SORCS3: variants seen among roughly 807,000 people sequenced by gnomAD.
The protein encoded by SORCS3 is VPS10 domain-containing receptor SorCS3.
In SORCS3, 57 loss-of-function variants were observed where a neutral mutation model predicts 146.3. The ratio of observed to expected loss-of-function variants is 0.39; its 90% CI spans 0.31 to 0.49. SORCS3 has a LOEUF of 0.49. SORCS3 is among the 20% of genes least tolerant of loss of function. The pLI, the probability that SORCS3 is intolerant of heterozygous loss-of-function variation, is 0.92. For missense variants in SORCS3, 1,341 were observed against 1,575.5 expected (o/e 0.85, Z 2.52); for synonymous variants, 653 against 618.5 (o/e 1.06, Z -0.83).
chr10:104,705,398 A>G (rs937375586), intron 1 of SORCS3, among the ~76,000 whole-genome samples: 3 of 151,998 alleles, frequency 2.0e-5, no homozygotes, highest in Non-Finnish European at 4.4e-5. Flanking sequence ...CCCTACTCCC[A>G]GTATTTTATA....
chr10:105,072,402 C>T (rs943729716), intron 5 of SORCS3, among the ~76,000 whole-genome samples: 3 of 152,126 alleles, frequency 2.0e-5, no homozygotes, highest in Non-Finnish European at 4.4e-5. Flanking sequence ...GAGAGGATTC[C>T]TGAGTGTCTA....
chr10:104,951,352 G>A (rs1267462181), intron 3 of SORCS3, among the ~76,000 whole-genome samples: 3 of 151,570 alleles, frequency 2.0e-5, no homozygotes. Flanking sequence ...TTTTTCTTAG[G>A]GTCAGTGTCT....
chr10:105,131,759 A>G (rs929720692), intron 7 of SORCS3, among the ~76,000 whole-genome samples: 1 of 152,114 alleles, frequency 6.6e-6, no homozygotes, highest in Non-Finnish European at 1.5e-5. Flanking sequence ...GCAGACACAT[A>G]ATATGGCCAG....
chr10:104,690,948 T>C (rs2016104262), intron 1 of SORCS3, among the ~76,000 whole-genome samples: 1 of 152,232 alleles, frequency 6.6e-6, no homozygotes, highest in Non-Finnish European at 1.5e-5. Context: ...AAGGGTCCAC[T>C]GGAAAACTCT....
At chr10:104,815,448 C>CAAAAA (rs5787549) in intron 1 of SORCS3, among the ~76,000 whole-genome samples, 4 of 79,364 alleles carry the variant, frequency 5.0e-5, no homozygotes, top group Admixed American at 1.6e-4. Flanking sequence ...GACCCTGTCT[C>CAAAAA]AAAAAAAAAA....
At chr10:104,686,118 C>A (rs926683162) in intron 1 of SORCS3, among the ~76,000 whole-genome samples, 4 of 151,936 alleles carry the variant, frequency 2.6e-5, no homozygotes, top group African/African-American at 7.3e-5. Flanking sequence ...TTAGGGACAT[C>A]TACTCTAATT....
At chr10:105,169,202 G>GATTTCTGTCATGGATGCTCTTCTGTTCT (rs2056339769) in intron 13 of SORCS3, among the ~76,000 whole-genome samples, 1 of 152,036 alleles carries the variant, frequency 6.6e-6, no homozygotes, top group Non-Finnish European at 1.5e-5. Flanking sequence ...CACCAAGTTC[G>GATTTCTGTCATGGATGCTCTTCTGTTCT]ATTTCTGTCA....
intron 2 of SORCS3, among the ~76,000 whole-genome samples, chr10:104,913,762 C>A (rs576061547): frequency 4.2e-5 from 6 of 142,658 alleles, no homozygotes. Context: ...AAATTATCCC[C>A]ATTCTTTTTT....
At chr10:105,167,996 G>A (rs1268941749) in intron 13 of SORCS3, among the ~76,000 whole-genome samples, 2 of 151,896 alleles carry the variant, frequency 1.3e-5, no homozygotes, top group African/African-American at 4.8e-5. Context: ...AAACTAAGGG[G>A]AAATATTTTC....
chr10:104,796,575 G>T (rs772315489), intron 1 of SORCS3, among the ~76,000 whole-genome samples: 1 of 152,050 alleles, frequency 6.6e-6, no homozygotes, highest in Non-Finnish European at 1.5e-5. Flanking sequence ...TTTATGGCAG[G>T]TGATACTGTT....
chr10:105,158,338 A>C (rs2056230083), intron 10 of SORCS3, among the ~76,000 whole-genome samples: 2 of 152,366 alleles, frequency 1.3e-5, no homozygotes, highest in South Asian at 2.1e-4. Flanking sequence ...ATAAATAGAG[A>C]ACACAGACTT....
At chr10:104,654,624 G>C (rs560139166) in intron 1 of SORCS3, among the ~76,000 whole-genome samples, 1 of 152,302 alleles carries the variant, frequency 6.6e-6, no homozygotes, top group Non-Finnish European at 1.5e-5. Flanking sequence ...TGGCTTGGTG[G>C]TTCCTCTGGA....
intron 1 of SORCS3, among the ~76,000 whole-genome samples, chr10:104,693,385 A>C (rs1467270214): frequency 2.6e-5 from 4 of 152,220 alleles, no homozygotes; most frequent in Admixed American, 2.6e-4. Flanking sequence ...AGTATCCGAG[A>C]GATGACTTGC....
chr10:105,183,983 C>T (rs557263107), intron 14 of SORCS3, among the ~76,000 whole-genome samples: 2 of 152,322 alleles, frequency 1.3e-5, no homozygotes, highest in Admixed American at 6.5e-5. Context: ...TGCTTCACTC[C>T]GCTCTGAGCT....
intron 1 of SORCS3, among the ~76,000 whole-genome samples, chr10:104,649,658 T>A (rs1282256516): frequency 6.6e-6 from 1 of 152,232 alleles, no homozygotes; most frequent in Non-Finnish European, 1.5e-5. Flanking sequence ...CTATCTTTTA[T>A]GTCGTGCTAA....
At chr10:104,794,622 G>GGAGAGA (rs371695559) in intron 1 of SORCS3, among the ~76,000 whole-genome samples, 210 of 41,378 alleles carry the variant, frequency 5.1e-3, no homozygotes, top group African/African-American at 0.01. Flanking sequence ...AGAGAGGGAG[G>GGAGAGA]GAGAGAGAGA....
intron 4 of SORCS3, among the ~76,000 whole-genome samples, chr10:105,029,574 T>C (rs926977167): frequency 1.3e-5 from 2 of 152,230 alleles, no homozygotes; most frequent in African/African-American, 4.8e-5. Flanking sequence ...TAGAATGGTT[T>C]TGAGTGGAAA....
chr10:105,071,602 G>A (rs562061093), intron 5 of SORCS3, among the ~76,000 whole-genome samples: 4 of 152,278 alleles, frequency 2.6e-5, no homozygotes, highest in East Asian at 1.9e-4. Flanking sequence ...ACAGGCATGC[G>A]ATGTGAAATA....
chr10:104,842,931 G>T (rs1273894001), intron 2 of SORCS3, 72 bp downstream of exon 2: 13 of 1,211,644 alleles, frequency 1.1e-5, no homozygotes, highest in Non-Finnish European at 1.2e-6. Context: ...TAAGCAGTTG[G>T]GAAGTGTGGA....
Sources: gnomAD v4.1 joint callset for allele counts (sites outside exome capture counted in the v4.1 genomes callset) on GRCh38, gnomAD v4.1.1 for gene constraint, MANE v1.5 for transcripts, NCBI Gene and HGNC (gene_info 2026-07-23, HGNC 2026-07-21) for gene names.